BRF1: variants seen among roughly 807,000 people sequenced by gnomAD.
BRF1 encodes the protein BRF1 general transcription factor IIIB subunit.
Under a neutral mutation model 81.7 loss-of-function variants are expected in BRF1, and 59 were observed. The ratio of observed to expected loss-of-function variants is 0.72; its 90% CI spans 0.59 to 0.90. BRF1 has a LOEUF of 0.90. Ranked by LOEUF, BRF1 falls within the 40% of genes least tolerant of loss-of-function variation. BRF1 has a pLI of 0.00. For missense variants in BRF1, 1,050 were observed against 936.3 expected (o/e 1.12, Z -1.58); for synonymous variants, 491 against 395.6 (o/e 1.24, Z -2.86).
intron 4 of BRF1, among the ~76,000 whole-genome samples, chr14:105,252,995 T>C (rs955807214): frequency 6.6e-6 from 1 of 152,194 alleles, no homozygotes; most frequent in African/African-American, 2.4e-5. Context: ...CTCAGCCCCC[T>C]TGCTGGGACT....
chr14:105,291,880 A>C (rs112790992), intron 1 of BRF1, among the ~76,000 whole-genome samples: 46,592 of 151,606 alleles, frequency 0.31, 7,374 homozygotes, highest in African/African-American at 0.34. Context: ...TGCCTGTAAT[A>C]CCAGCTACTT....
At chr14:105,247,470 C>CGAA (rs1245451531) in intron 5 of BRF1, 5 of 985,278 alleles carry the variant, frequency 5.1e-6, no homozygotes, top group Non-Finnish European at 6.0e-6. Flanking sequence ...GGTTGTCAGC[C>CGAA]TTTTCCTTCC....
At chr14:105,293,751 A>G (rs1476172608) in intron 1 of BRF1, among the ~76,000 whole-genome samples, 1 of 152,152 alleles carries the variant, frequency 6.6e-6, no homozygotes, top group Non-Finnish European at 1.5e-5. Flanking sequence ...GGGACGCTGG[A>G]GCACCAGTGT....
chr14:105,247,477 T>C (rs1316197441), intron 5 of BRF1: 1 of 985,438 alleles, frequency 1.0e-6, no homozygotes, highest in Non-Finnish European at 1.2e-6. Flanking sequence ...AGCCTTTTCC[T>C]TCCTGACTTG....
At chr14:105,254,406 A>C (rs61996218) in intron 4 of BRF1, among the ~76,000 whole-genome samples, 1 of 151,884 alleles carries the variant, frequency 6.6e-6, no homozygotes, top group Non-Finnish European at 1.5e-5. Context: ...ACAGGCGCCC[A>C]CCACCACGCC....
chr14:105,268,337 G>A (rs1279904103), intron 3 of BRF1, among the ~76,000 whole-genome samples: 5 of 152,260 alleles, frequency 3.3e-5, no homozygotes, highest in African/African-American at 7.2e-5. Context: ...TGCTGCCCAC[G>A]CAGCCTCCCT....
intron 5 of BRF1, chr14:105,246,984 G>T: frequency 1.0e-6 from 1 of 985,390 alleles, no homozygotes; most frequent in Non-Finnish European, 1.2e-6. Context: ...ACCACAACCT[G>T]CTGATCCTTT....
chr14:105,277,554 A>G lies in BRF1; in HGVS notation c.266-4660T>C, dbSNP rs1406879737. Among the ~76,000 whole-genome samples, 2 of 138,310 alleles carry G rather than the reference A, an allele frequency of 1.4e-5. 1 individual carries two copies. Among genetic ancestry groups the G allele is most frequent in the Non-Finnish European group, 3.2e-5 (2 of 63,274 alleles). The allele number at this position is 138,310 out of a possible 152,430, so 90.7% of individuals were successfully genotyped here. A position where few individuals can be genotyped will look rare whatever the true frequency, so the allele number is the denominator to read the frequency against. ...GAGCTGGGGAGGAGGCCACAGTGAG[A>G]AGGAGCTGAGAGGCGGCCCTCACTA... On this transcript the variant is annotated intron_variant, in intron 2 of 17. Transcript: ENST00000547530.
rs1318574643 is a variant in BRF1, at chr14:105,300,845, G to A, written c.-216C>T. ...GCCCGCGGGATGGGACAGGCACCGG[G>A]ACCACGGCGGGGACGCGAGGACTGG... On this transcript the variant is annotated 5_prime_UTR_variant, in exon 1 of 18. Coordinates refer to ENST00000547530, the MANE Select transcript of BRF1 (RefSeq NM_001519.4). The A allele has an allele frequency of 1.7e-5, 3 of 180,370 alleles. No individual in the cohort carries two copies. Among genetic ancestry groups the A allele is most frequent in the Non-Finnish European group, 3.4e-5 (3 of 88,938 alleles). The allele number at this position is 180,370 out of a possible 1,614,324, so 11.2% of individuals were successfully genotyped here. A position where few individuals can be genotyped will look rare whatever the true frequency, so the allele number is the denominator to read the frequency against.
chr14:105,283,515 C>T lies in BRF1; in HGVS notation c.265+2781G>A, dbSNP rs192197839. Among the ~76,000 whole-genome samples the T allele has an allele frequency of 2.4e-3, 358 of 152,284 alleles. 1 individual carries two copies. Among genetic ancestry groups the T allele is most frequent in the African/African-American group, 8.4e-3 (350 of 41,546 alleles). On this transcript the variant is annotated intron_variant, in intron 2 of 17. Transcript: ENST00000547530. ...GTGGGGTCCACGGGGCCTCCTGGGC[C>T]TGCAGGTCACAACCTTCACTGACAC...
chr14:105,294,660 C>G (rs1359572043), intron 1 of BRF1, among the ~76,000 whole-genome samples: 1 of 152,100 alleles, frequency 6.6e-6, no homozygotes, highest in Non-Finnish European at 1.5e-5. Context: ...GAAGCCCAAG[C>G]CAGTTCTTAG....
chr14:105,221,293 G>A (rs1044025505), intron 11 of BRF1, among the ~76,000 whole-genome samples: 1 of 152,212 alleles, frequency 6.6e-6, no homozygotes, highest in African/African-American at 2.4e-5. Flanking sequence ...AGCAAGTGAC[G>A]TTCCCCCGAC....
intron 10 of BRF1, among the ~76,000 whole-genome samples, chr14:105,224,916 G>T (rs764929407): frequency 6.6e-6 from 1 of 152,298 alleles, no homozygotes; most frequent in South Asian, 2.1e-4. Context: ...ACTGAGTCCC[G>T]GAGGGGTCCC....
chr14:105,250,176 C>A lies in BRF1; in HGVS notation c.544+2331G>T, dbSNP rs2055515115. On this transcript the variant is annotated intron_variant, in intron 5 of 17. Coordinates refer to ENST00000547530, the MANE Select transcript of BRF1 (RefSeq NM_001519.4). Reference sequence around the variant, plus strand: ...CTGTGGTACACGGCCACCAACAAGCCCCGCCTGGACTTTCCCCTGACCAAG... The same window carrying A: ...CTGTGGTACACGGCCACCAACAAGCACCGCCTGGACTTTCCCCTGACCAAG... 1.9e-6 allele frequency: 3 copies of A among 1,612,874 alleles called. No homozygotes were observed. The highest frequency in any genetic ancestry group is 1.1e-5 in the South Asian group (1 of 91,096).
In BRF1 at chr14:105,272,824, G is replaced by C; in HGVS notation, c.336C>G (p.Asn112Lys). The C allele has an allele frequency of 6.2e-7, 1 of 1,614,102 alleles. No homozygotes were observed. Among genetic ancestry groups the C allele is most frequent in the Non-Finnish European group, 8.5e-7 (1 of 1,180,008 alleles). Residue 112 changes from asparagine (N) to lysine (K), a missense_variant, in exon 3 of 18, where the codon AAC becomes AAG. This residue lies in a region of BRF1 where 1,043 missense variants were observed against 915.4 expected (regional missense o/e 1.14). Coordinates refer to ENST00000547530, the MANE Select transcript of BRF1 (RefSeq NM_001519.4). Reference sequence around the variant, plus strand: ...GCCTGCTCACGGCCATCTTGAAGAAGTTGAAGGCGGTGTCCAGGCAGTGCT... The same window carrying C: ...GCCTGCTCACGGCCATCTTGAAGAACTTGAAGGCGGTGTCCAGGCAGTGCT... ...LNQHCLDTAF[N>K]FFKMAVSRHL...
At chr14:105,310,486 C>T (rs145696141) in intron 1 of BRF1, among the ~76,000 whole-genome samples, 2,607 of 137,666 alleles carry the variant, frequency 0.019, 82 homozygotes, top group African/African-American at 0.066. Context: ...GCTGAGATGG[C>T]ACCACTGCAC....
intron 5 of BRF1, chr14:105,248,408 A>T: frequency 1.0e-6 from 1 of 985,354 alleles, no homozygotes; most frequent in South Asian, 4.7e-5. Context: ...GCCGCCTTCC[A>T]CGGCTACCTC....
At chr14:105,212,530 T>G (rs1890286418) in intron 15 of BRF1, 1 of 251,744 alleles carries the variant, frequency 4.0e-6, no homozygotes, top group African/African-American at 2.2e-5. Context: ...GACCCGAGAG[T>G]GCTTCCCCAA....
In BRF1 at chr14:105,209,580, G is replaced by T. The variant is rs979341137; in HGVS notation, c.*971C>A. On this transcript the variant is annotated 3_prime_UTR_variant, in exon 18 of 18. Coordinates refer to ENST00000547530, the MANE Select transcript of BRF1 (RefSeq NM_001519.4). ...CCATGCCAGAGCTGAGACCTCCTAC[G>T]AGTGGTACTGGGGCCTTCCCACGAA... 4 of 702,542 alleles carry T rather than the reference G, an allele frequency of 5.7e-6. No homozygotes were observed. Among genetic ancestry groups the T allele is most frequent in the Non-Finnish European group, 1.0e-5 (4 of 384,880 alleles). The allele number at this position is 702,542 out of a possible 1,614,324, so 43.5% of individuals were successfully genotyped here.
Sources: allele counts gnomAD v4.1 joint callset (sites outside exome capture counted in the v4.1 genomes callset), GRCh38; gene constraint gnomAD v4.1.1; regional missense constraint gnomAD v4.1.1; transcripts MANE v1.5; gene names NCBI Gene and HGNC (gene_info 2026-07-23, HGNC 2026-07-21).